The following GIT2 variants were observed in gnomAD, a reference collection of about 807,000 sequenced individuals.
GIT2 encodes the protein ARF GTPase-activating protein GIT2.
A neutral mutation model predicts 100.3 loss-of-function variants in GIT2; 32 were observed. That is an observed-to-expected ratio of 0.32 (90% confidence interval 0.24 to 0.43). The LOEUF is 0.43. Ranked by LOEUF, GIT2 falls within the 20% of genes least tolerant of loss-of-function variation. The pLI, the probability that GIT2 is intolerant of heterozygous loss-of-function variation, is 1.00. For missense variants in GIT2, 737 were observed against 975.1 expected, an observed-to-expected ratio of 0.76 and a Z score of 3.25; for synonymous variants, 353 against 364.1, an observed-to-expected ratio of 0.97 and a Z score of 0.35.
chr12:109,999,502 C>A (rs1889822519), upstream of GIT2: 3 of 308,578 alleles, frequency 9.7e-6, no homozygotes, highest in Admixed American at 1.0e-4. This position sits in a 1 kb window ranked among gnomAD's most constrained non-coding sequence, Gnocchi z 4.3. Context: ...CCGACCTGGT[C>A]CCTGAGCCGG....
Position 109,983,402 on chromosome 12 carries a change from A to G in GIT2, c.594T>C (p.Ser198=), listed in dbSNP as rs1208067069. The change falls in exon 6 of 20, where the codon TCT becomes TCC. Residue 198 remains serine, a synonymous_variant. Transcript: ENST00000355312. ...CATAATCAACGGGAGTTTTCCCACT[A>G]GAATCCTGTGTGCCTGGGTCTGCTC... ...VYGADPGTQD[S]SGKTPVDYAR... The G allele has an allele frequency of 6.2e-7, 1 of 1,613,828 alleles. No individual in the cohort carries two copies. The highest frequency in any genetic ancestry group is 8.5e-7 in the Non-Finnish European group (1 of 1,179,868).
rs757152766 is a variant in GIT2 at position 109,953,233 on chromosome 12, G to T, written c.1101C>A (p.Asp367Glu). 1.2e-6 allele frequency: 2 copies of T among 1,613,226 alleles called. No homozygotes were observed. The highest frequency in any genetic ancestry group is 2.2e-5 in the East Asian group (1 of 44,880). The change falls in exon 13 of 20, where the codon GAC becomes GAA. Residue 367 changes from aspartate (D) to glutamate (E), a missense_variant and splice_region_variant. Coordinates refer to ENST00000355312, the MANE Select transcript of GIT2 (RefSeq NM_057169.5). ...TGGTTTTCAGTATGAGCTCCACATT[G>T]TCTATCAATAAAAGCAAACAACTTT... Reference protein sequence around the residue: ...QQGSSLSGSKDNVELILKTIN... With the variant: ...QQGSSLSGSKENVELILKTIN...
chr12:109,948,744 A>G lies in GIT2; in HGVS notation c.1393-1240T>C. 1 of 1,560,514 alleles carries G rather than the reference A, an allele frequency of 6.4e-7. No individual in the cohort carries two copies. On this transcript the variant is annotated intron_variant, in intron 14 of 19. Coordinates refer to ENST00000355312, the MANE Select transcript of GIT2 (RefSeq NM_057169.5). This position sits in a 1 kb window ranked among gnomAD's most constrained non-coding sequence, Gnocchi z 4.3. The stretch of plus-strand genomic sequence containing the variant: ...ACTTTTTCAGTAGCAAACCCATTCA[A>G]TGTTAGGAGTTACTTTCAATTTTTA...
At chr12:109,992,313 A>G (rs1012555664) in intron 1 of GIT2, among the ~76,000 whole-genome samples, 1 of 150,930 alleles carries the variant, frequency 6.6e-6, no homozygotes, top group Non-Finnish European at 1.5e-5. Flanking sequence ...CGCCCGGCTA[A>G]TTTTTGTATT....
chr12:109,945,024 T>C (rs1469021933), intron 16 of GIT2, among the ~76,000 whole-genome samples: 2 of 152,164 alleles, frequency 1.3e-5, no homozygotes, highest in African/African-American at 4.8e-5. Context: ...GCAAACTTTG[T>C]TAAATATGAC....
chr12:109,992,873 T>A (rs2136994060), intron 1 of GIT2, among the ~76,000 whole-genome samples: 1 of 152,092 alleles, frequency 6.6e-6, no homozygotes, highest in East Asian at 1.9e-4. Context: ...GGTTTCACCA[T>A]GTTGGCCAGA....
chr12:109,972,010 A>ATAT (rs749472307), intron 7 of GIT2, among the ~76,000 whole-genome samples: 56 of 141,756 alleles, frequency 4.0e-4, no homozygotes, highest in Non-Finnish European at 6.6e-4. Flanking sequence ...GGGAAAAAAA[A>ATAT]ATATATATAT....
chr12:109,969,019 C>T (rs982995906), intron 7 of GIT2, among the ~76,000 whole-genome samples: 2 of 151,758 alleles, frequency 1.3e-5, no homozygotes, highest in African/African-American at 2.4e-5. Context: ...CCACCGTGCT[C>T]GGCCTGAGTT....
chr12:109,979,710 A>C (rs565175164), intron 7 of GIT2, among the ~76,000 whole-genome samples: 6 of 152,292 alleles, frequency 3.9e-5, no homozygotes, highest in African/African-American at 1.4e-4. Flanking sequence ...ACCAGGATTT[A>C]CTTTTCAGAG....
chr12:109,950,045 C>A (rs1021097529), intron 14 of GIT2, among the ~76,000 whole-genome samples: 2 of 152,222 alleles, frequency 1.3e-5, no homozygotes, highest in Non-Finnish European at 2.9e-5. Context: ...CTTAAGCATT[C>A]TTCATTCCCT....
chr12:109,931,299 G>A lies in GIT2; in HGVS notation c.*1679C>T, dbSNP rs1200126665. On this transcript the variant is annotated 3_prime_UTR_variant, in exon 20 of 20. Coordinates refer to ENST00000355312, the MANE Select transcript of GIT2 (RefSeq NM_057169.5). ...CGACAGCAACATAACACACAGGGTT[G>A]GCCGGCTCCATTACGGGTAAGACTC... 2 of 152,282 alleles carry A rather than the reference G, an allele frequency of 1.3e-5. No homozygotes were observed. The highest frequency in any genetic ancestry group is 4.8e-5 in the African/African-American group (2 of 41,444). The allele number at this position is 152,282 out of a possible 1,614,324, so 9.4% of individuals were successfully genotyped here. A position where few individuals can be genotyped will look rare whatever the true frequency, so the allele number is the denominator to read the frequency against.
chr12:109,984,802 C>T (rs1485162328), intron 4 of GIT2, among the ~76,000 whole-genome samples: 2 of 152,158 alleles, frequency 1.3e-5, no homozygotes, highest in Non-Finnish European at 2.9e-5. Context: ...TCAAAGAATA[C>T]AAATGCTATA....
intron 16 of GIT2, among the ~76,000 whole-genome samples, chr12:109,942,655 T>C (rs1875140365): frequency 6.6e-6 from 1 of 152,216 alleles, no homozygotes; most frequent in South Asian, 2.1e-4. Flanking sequence ...TCTTTTTGCC[T>C]TCCCTGATGA....
At chr12:109,965,294 A>C (rs755274549) in intron 9 of GIT2, among the ~76,000 whole-genome samples, 10 of 152,254 alleles carry the variant, frequency 6.6e-5, no homozygotes, top group Admixed American at 6.5e-5. Flanking sequence ...TGCACTTGTT[A>C]CATGATAGAG....
chr12:109,957,564 TG>T (rs1186559874), intron 12 of GIT2, among the ~76,000 whole-genome samples: 1 of 151,648 alleles, frequency 6.6e-6, no homozygotes, highest in East Asian at 1.9e-4. Flanking sequence ...TAGAGTGCAG[TG>T]GTGCGATCTT....
Position 109,996,245 on chromosome 12 carries a change from G to A in GIT2, c.-21C>T. On this transcript the variant is annotated 5_prime_UTR_variant, in exon 1 of 20. Coordinates refer to ENST00000355312, the MANE Select transcript of GIT2 (RefSeq NM_057169.5). ...GACATGGCTCCCACCTCCCACCTGC[G>A]GGGAACTAGAGGCCGGGGGACAGCA... is the stretch of plus-strand genomic sequence containing the variant. The A allele has an allele frequency of 6.6e-7, 1 of 1,516,634 alleles. No homozygotes were observed. The highest frequency in any genetic ancestry group is 8.9e-7 in the Non-Finnish European group (1 of 1,126,408). 93.9% of individuals were successfully genotyped at this position (1,516,634 alleles called of 1,614,324 possible). A position where few individuals can be genotyped will look rare whatever the true frequency, so the allele number is the denominator to read the frequency against.
chr12:109,933,211 G>A lies in GIT2; in HGVS notation c.2068-21C>T, dbSNP rs775125975. ...GGTTTCTAAAAGGAAAAAGACAGCC[G>A]TTTACCCTGAACTGCAGGGCAGACA... On this transcript the variant is annotated intron_variant, in intron 19 of 19. Transcript: ENST00000355312. This position sits in a 1 kb window ranked among gnomAD's most constrained non-coding sequence, Gnocchi z 4.5. 24 of 1,389,682 alleles carry A rather than the reference G, an allele frequency of 1.7e-5. No homozygotes were observed. The highest frequency in any genetic ancestry group is 7.4e-5 in the South Asian group (6 of 80,988). The allele number at this position is 1,389,682 out of a possible 1,614,324, so 86.1% of individuals were successfully genotyped here.
rs865802551 is a variant in GIT2 at position 109,972,008 on chromosome 12, A to T, written c.719-4505T>A. ...GACTATCTCAAAAAAAAGGGAAAAA[A>T]AAATATATATATATATATGGATTTT... On this transcript the variant is annotated intron_variant, in intron 7 of 19. Coordinates refer to ENST00000355312, the MANE Select transcript of GIT2 (RefSeq NM_057169.5). 2.3e-5 allele frequency among the ~76,000 whole-genome samples: 3 copies of T among 132,828 alleles called. No homozygotes were observed. In the Middle Eastern group the frequency reaches 0.012, roughly 515 times the overall value. The allele number at this position is 132,828 out of a possible 152,430, so 87.1% of individuals were successfully genotyped here.
At position 109,948,824 on chromosome 12, in the gene GIT2, TA is replaced by T; in HGVS notation, c.1393-1321del. Reference sequence around the variant, plus strand: ...ACCAATAGTAGTTGCTCCTCTTCATTAATTAGCATCTTTTCCAAGCAACTGT... The same window carrying T: ...ACCAATAGTAGTTGCTCCTCTTCATTATTAGCATCTTTTCCAAGCAACTGT... On this transcript the variant is annotated intron_variant, in intron 14 of 19. Transcript: ENST00000355312. The surrounding 1 kb of genome is among the most constrained non-coding windows in gnomAD (Gnocchi z 4.3). The T allele has an allele frequency of 6.2e-7, 1 of 1,604,320 alleles. No homozygotes were observed. Among genetic ancestry groups the T allele is most frequent in the Non-Finnish European group, 8.5e-7 (1 of 1,174,046 alleles).
Sources: gnomAD v4.1 joint callset for allele counts (sites outside exome capture counted in the v4.1 genomes callset) on GRCh38, gnomAD v4.1.1 for gene constraint, Gnocchi (gnomAD v3.1) non-coding constraint, MANE v1.5 for transcripts, NCBI Gene and HGNC (gene_info 2026-07-23, HGNC 2026-07-21) for gene names.